Variants in HIVEP3 observed in about 807,000 individuals in gnomAD.
HIVEP3 encodes transcription factor HIVEP3.
A neutral mutation model predicts 152.8 loss-of-function variants in HIVEP3; 49 were observed. The observed-to-expected ratio is 0.32, with a 90% CI of 0.26 to 0.41. The LOEUF (loss-of-function observed/expected upper bound fraction) is 0.41, where lower values mean the gene tolerates loss of function less well. Among genes scored for constraint, HIVEP3 ranks in the 10% least tolerant of loss-of-function variants. The pLI is 1.00. For missense variants in HIVEP3, 2,790 were observed against 3,103.3 expected (o/e 0.90, Z 2.40); for synonymous variants, 1,269 against 1,289.0 (o/e 0.98, Z 0.33).
chr1:41,774,439 AAT>A (rs572493599), intron 1 of HIVEP3, among the ~76,000 whole-genome samples: 2 of 152,234 alleles, frequency 1.3e-5, no homozygotes, highest in South Asian at 4.1e-4. Flanking sequence ...TCTAGCTTCT[AAT>A]TAAACATCAT....
chr1:41,727,222 C>T (rs1646765913), intron 1 of HIVEP3, among the ~76,000 whole-genome samples: 1 of 152,242 alleles, frequency 6.6e-6, no homozygotes, highest in Non-Finnish European at 1.5e-5. Flanking sequence ...GGTGGACTTC[C>T]TCCCATCTCA....
intron 1 of HIVEP3, among the ~76,000 whole-genome samples, chr1:41,992,572 C>A (rs1372204053): frequency 6.7e-6 from 1 of 148,838 alleles, no homozygotes; most frequent in Non-Finnish European, 1.5e-5. Flanking sequence ...GACCATACTG[C>A]CCAAGGTAAT....
chr1:41,582,693 T>G lies in HIVEP3; in HGVS notation c.2105A>C (p.Lys702Thr). 1 of 1,614,186 alleles carries G rather than the reference T, an allele frequency of 6.2e-7. No homozygotes were observed. ...AGTGAGTTCCAGGGTGGTTCCCAGT[T>G]TGTAATGCATCATTTGGGACCACGG... ...HEPWSQMMHYKLGTTLELTPL... is the reference protein window; with the variant it reads ...HEPWSQMMHYTLGTTLELTPL... The change falls in exon 4 of 9, where the codon AAA (lysine) becomes ACA (threonine). Residue 702 changes from lysine to threonine, a missense_variant. Coordinates refer to ENST00000372583, the MANE Select transcript of HIVEP3 (RefSeq NM_024503.5). The surrounding 1 kb of genome is among the most constrained non-coding windows in gnomAD (Gnocchi z 4.7).
chr1:41,730,326 C>A (rs1317974310), intron 1 of HIVEP3, among the ~76,000 whole-genome samples: 1 of 152,240 alleles, frequency 6.6e-6, no homozygotes, highest in East Asian at 1.9e-4. Flanking sequence ...TTGGTGTCCT[C>A]CCCTGTAGAG....
chr1:41,719,878 G>A lies in HIVEP3; in HGVS notation c.-800-18883C>T, dbSNP rs532015697. On this transcript the variant is annotated intron_variant, in intron 1 of 8. Transcript: ENST00000372583. ...GAGTCCTATATCTGGTAAACTGGCA[G>A]AGCCAGGCTAGGAAGCCCAGACGCT... is the stretch of plus-strand genomic sequence containing the variant. Among the ~76,000 whole-genome samples, 15 of 152,368 alleles carry A rather than the reference G, an allele frequency of 9.8e-5. No individual in the cohort carries two copies. The South Asian group carries it at 1.2e-3, about 13-fold the overall frequency.
At chr1:41,518,562 A>G in intron 6 of HIVEP3, 74 bp from the exon 7 acceptor site, 1 of 1,377,660 alleles carries the variant, frequency 7.3e-7, no homozygotes, top group Non-Finnish European at 1.0e-6. Context: ...TCATGGAGGT[A>G]GCACCTGGCC....
intron 1 of HIVEP3, among the ~76,000 whole-genome samples, chr1:41,722,372 G>T (rs1646685959): frequency 6.6e-6 from 1 of 150,774 alleles, no homozygotes; most frequent in African/African-American, 2.5e-5. Flanking sequence ...GCCCTGGCTG[G>T]ACCTGGAGAT....
At chr1:42,034,876 T>C (rs575826182) in intron 1 of HIVEP3, among the ~76,000 whole-genome samples, 1 of 152,068 alleles carries the variant, frequency 6.6e-6, no homozygotes, top group African/African-American at 2.4e-5. Flanking sequence ...AACGGCACAA[T>C]CAGCGGGAGG....
intron 5 of HIVEP3, among the ~76,000 whole-genome samples, chr1:41,562,556 TC>T: frequency 1.1e-5 from 1 of 88,546 alleles, no homozygotes; most frequent in East Asian, 2.5e-4. Context: ...CTTCCTTCCT[TC>T]TTTCCTTCTT....
At chr1:41,760,725 T>C (rs1239211788) in intron 1 of HIVEP3, among the ~76,000 whole-genome samples, 1 of 152,252 alleles carries the variant, frequency 6.6e-6, no homozygotes, top group Admixed American at 6.5e-5. Flanking sequence ...GCCCAAATGC[T>C]CCACAATGCC....
chr1:41,589,614 A>C (rs1195856973), intron 3 of HIVEP3, among the ~76,000 whole-genome samples: 1 of 152,216 alleles, frequency 6.6e-6, no homozygotes, highest in Non-Finnish European at 1.5e-5. Flanking sequence ...GGGCTCTCTC[A>C]GGTAGACAAT....
chr1:41,740,926 G>T (rs1646988213), intron 1 of HIVEP3, among the ~76,000 whole-genome samples: 1 of 152,204 alleles, frequency 6.6e-6, no homozygotes, highest in Non-Finnish European at 1.5e-5. Context: ...GGGGGTGGGG[G>T]CTCAGTTTCC....
chr1:42,011,107 A>T (rs1557561027), intron 1 of HIVEP3, among the ~76,000 whole-genome samples: 2 of 150,952 alleles, frequency 1.3e-5, no homozygotes, highest in East Asian at 1.9e-4. Flanking sequence ...GTTGTCACAA[A>T]TTTTTTTTTT....
intron 5 of HIVEP3, among the ~76,000 whole-genome samples, chr1:41,572,696 C>T (rs146918792): frequency 6.6e-6 from 1 of 152,326 alleles, no homozygotes; most frequent in Non-Finnish European, 1.5e-5. Context: ...TGATCAGTCA[C>T]TGAAATGGAG....
intron 5 of HIVEP3, among the ~76,000 whole-genome samples, chr1:41,551,426 T>C (rs996479978): frequency 2.0e-5 from 3 of 152,184 alleles, no homozygotes; most frequent in Admixed American, 6.5e-5. Flanking sequence ...TCTTTTTCTA[T>C]TGCTTGGAAT....
In HIVEP3 at chr1:41,580,774, A is replaced by C; in HGVS notation, c.4024T>G (p.Leu1342Val). ...GAGCTGCCTTGGGACTGGGTGACCAAGATCTGGGAAAGGGTGGTGTACATT... is the reference window on the plus strand; with the variant it reads ...GAGCTGCCTTGGGACTGGGTGACCACGATCTGGGAAAGGGTGGTGTACATT... ...SAMYTTLSQILVTQSQGSSAT... is the reference protein window; with the variant it reads ...SAMYTTLSQIVVTQSQGSSAT... Residue 1342 changes from leucine (L) to valine (V), a missense_variant, in exon 4 of 9, where the codon TTG becomes GTG. This residue lies in a region of HIVEP3 where 1,078 missense variants were observed against 1,165.3 expected (regional missense o/e 0.93). Transcript: ENST00000372583. 1 of 1,579,160 alleles carries C rather than the reference A, an allele frequency of 6.3e-7. No individual in the cohort carries two copies. Among genetic ancestry groups the C allele is most frequent in the Non-Finnish European group, 8.6e-7 (1 of 1,163,418 alleles).
chr1:41,736,021 G>A (rs1367699590), intron 1 of HIVEP3, among the ~76,000 whole-genome samples: 1 of 152,188 alleles, frequency 6.6e-6, no homozygotes, highest in Non-Finnish European at 1.5e-5. Flanking sequence ...TGGGTGTGCA[G>A]GGGAGACACC....
At chr1:41,830,175 TCTAA>T (rs1026068408) in intron 1 of HIVEP3, among the ~76,000 whole-genome samples, 1 of 152,236 alleles carries the variant, frequency 6.6e-6, no homozygotes, top group African/African-American at 2.4e-5. Context: ...GAAATACATG[TCTAA>T]CTATCTCTCT....
At chr1:41,970,396 A>C (rs1040763660) in intron 1 of HIVEP3, among the ~76,000 whole-genome samples, 9 of 152,184 alleles carry the variant, frequency 5.9e-5, no homozygotes, top group African/African-American at 2.2e-4. Flanking sequence ...ATGGATGTGG[A>C]TGGAGCTGGA....
Sources: allele counts gnomAD v4.1 joint callset (sites outside exome capture counted in the v4.1 genomes callset), GRCh38; gene constraint gnomAD v4.1.1; regional missense constraint gnomAD v4.1.1; non-coding constraint Gnocchi (gnomAD v3.1); transcripts MANE v1.5; gene names NCBI Gene and HGNC (gene_info 2026-07-23, HGNC 2026-07-21).